The following L3MBTL4 variants were observed in gnomAD, a reference collection of about 807,000 sequenced individuals.
The protein encoded by L3MBTL4 is lethal(3)malignant brain tumor-like protein 4.
Under a neutral mutation model 84.5 loss-of-function variants are expected in L3MBTL4, and 70 were observed. That is an observed-to-expected ratio of 0.83 (90% CI 0.68 to 1.01). The LOEUF (loss-of-function observed/expected upper bound fraction) is 1.01. Among genes scored for constraint, L3MBTL4 ranks in the 50% least tolerant of loss-of-function variants. L3MBTL4 has a pLI of 0.00. For synonymous variants in L3MBTL4, 274 were observed against 259.8 expected, an observed-to-expected ratio of 1.05 and a Z score of -0.52; for missense variants, 715 against 754.8, an observed-to-expected ratio of 0.95 and a Z score of 0.62.
rs2053369232 is a variant in L3MBTL4, at chr18:6,354,970, GATTT to G, written c.-90-42918_-90-42915del. Among the ~76,000 whole-genome samples the G allele has an allele frequency of 3.3e-5, 5 of 152,272 alleles. No homozygotes were observed. The South Asian group carries it at 1.0e-3, about 32-fold the overall frequency. ...AGAAAGGAAATGAGCATATCAAAGA[GATTT>G]TTGCACTCCCATGTTTGTTGTAGCA... On this transcript the variant is annotated intron_variant, in intron 1 of 18. Transcript: ENST00000317931.
chr18:6,030,501 C>CTTT (rs112869054), intron 16 of L3MBTL4: 22 of 849,244 alleles, frequency 2.6e-5, no homozygotes, highest in East Asian at 1.3e-4. Flanking sequence ...TGAAGAGACT[C>CTTT]TTTTTTTTTT....
At chr18:6,002,139 T>C (rs146413348) in intron 16 of L3MBTL4, among the ~76,000 whole-genome samples, 110 of 152,034 alleles carry the variant, frequency 7.2e-4, no homozygotes, top group Admixed American at 9.2e-4. Context: ...AGTAGAATGA[T>C]ATACTTAAAG....
In L3MBTL4 at chr18:6,331,787, A is replaced by G. The variant is rs141365296; in HGVS notation, c.-90-19731T>C. Among the ~76,000 whole-genome samples, 131 of 152,260 alleles carry G rather than the reference A, an allele frequency of 8.6e-4. 1 individual carries two copies. Among genetic ancestry groups the G allele is most frequent in the African/African-American group, 3.1e-3 (128 of 41,544 alleles). On this transcript the variant is annotated intron_variant, in intron 1 of 18. Transcript: ENST00000317931. The stretch of plus-strand genomic sequence containing the variant: ...TATGAAAGCATCTGTAGGTATGTCA[A>G]ATAAGTTTACTTTTTAGAAGTGAAA...
At chr18:6,076,806 G>C (rs1455210866) in intron 16 of L3MBTL4, among the ~76,000 whole-genome samples, 2 of 152,014 alleles carry the variant, frequency 1.3e-5, no homozygotes, top group African/African-American at 4.8e-5. Flanking sequence ...TTAATTAAAG[G>C]TTTGGGACCA....
chr18:6,179,162 T>G (rs1189867429), intron 12 of L3MBTL4, among the ~76,000 whole-genome samples: 3 of 152,224 alleles, frequency 2.0e-5, no homozygotes, highest in Non-Finnish European at 2.9e-5. Context: ...ATAAACCTTT[T>G]TTAAATTTTT....
At chr18:6,408,110 G>GA (rs1381036078) in intron 1 of L3MBTL4, among the ~76,000 whole-genome samples, 1 of 151,974 alleles carries the variant, frequency 6.6e-6, no homozygotes, top group Non-Finnish European at 1.5e-5. Flanking sequence ...GGAAAACTGT[G>GA]AAAAAAAATT....
At chr18:6,295,723 TG>T (rs1397487140) in intron 4 of L3MBTL4, among the ~76,000 whole-genome samples, 2 of 152,140 alleles carry the variant, frequency 1.3e-5, no homozygotes. Context: ...AGAAGTCCCC[TG>T]TTAATCCTCC....
chr18:6,334,687 T>G (rs905350520), intron 1 of L3MBTL4, among the ~76,000 whole-genome samples: 1 of 152,140 alleles, frequency 6.6e-6, no homozygotes, highest in Non-Finnish European at 1.5e-5. Context: ...ACACAGTAAT[T>G]TTTACAGGAA....
At chr18:6,410,635 C>T (rs2055927131) in intron 1 of L3MBTL4, among the ~76,000 whole-genome samples, 1 of 152,190 alleles carries the variant, frequency 6.6e-6, no homozygotes, top group Non-Finnish European at 1.5e-5. Flanking sequence ...CTCTATCTGT[C>T]CCTCTAGTTA....
intron 5 of L3MBTL4, among the ~76,000 whole-genome samples, chr18:6,256,395 G>C (rs555682781): frequency 3.0e-4 from 46 of 152,094 alleles, no homozygotes; most frequent in Non-Finnish European, 6.0e-4. Flanking sequence ...AGGCTGTCTT[G>C]TTTCTAGGAC....
chr18:6,082,026 A>G (rs2058096150), intron 15 of L3MBTL4, among the ~76,000 whole-genome samples: 1 of 152,176 alleles, frequency 6.6e-6, no homozygotes, highest in African/African-American at 2.4e-5. Context: ...CAGAGACAGT[A>G]CATTCAGTGT....
chr18:6,364,812 TA>T (rs1261645429), intron 1 of L3MBTL4, among the ~76,000 whole-genome samples: 1 of 152,112 alleles, frequency 6.6e-6, no homozygotes, highest in Non-Finnish European at 1.5e-5. Context: ...CAGATGTCAG[TA>T]AAGTCTTTAA....
chr18:6,100,498 C>G (rs936043634), intron 14 of L3MBTL4, among the ~76,000 whole-genome samples: 3 of 152,150 alleles, frequency 2.0e-5, no homozygotes, highest in African/African-American at 7.2e-5. Context: ...TGTTCATGGC[C>G]TTTTCTCACT....
chr18:6,157,037 A>C (rs2043133288), intron 13 of L3MBTL4, among the ~76,000 whole-genome samples: 1 of 152,258 alleles, frequency 6.6e-6, no homozygotes, highest in Non-Finnish European at 1.5e-5. Flanking sequence ...CATTTAAAAC[A>C]GACAATATCA....
chr18:6,304,155 A>G (rs181520104), intron 3 of L3MBTL4, among the ~76,000 whole-genome samples: 235 of 152,234 alleles, frequency 1.5e-3, no homozygotes, highest in African/African-American at 5.3e-3. Flanking sequence ...AATACTATTA[A>G]TTTCATTTTC....
intron 3 of L3MBTL4, among the ~76,000 whole-genome samples, chr18:6,303,810 C>T (rs1241725601): frequency 6.6e-6 from 1 of 152,026 alleles, no homozygotes; most frequent in African/African-American, 2.4e-5. Flanking sequence ...GTCAGGAGTT[C>T]GAGACCAGCC....
At chr18:6,105,748 T>C (rs2058983891) in intron 14 of L3MBTL4, among the ~76,000 whole-genome samples, 1 of 145,664 alleles carries the variant, frequency 6.9e-6, no homozygotes, top group Non-Finnish European at 1.5e-5. Context: ...TGCAGTGAGC[T>C]AATATAGTGC....
rs1245006185 is a variant in L3MBTL4, at chr18:6,386,722, AC to A, written c.-91+28078del. ...GGCTGCTTATGAAGCTGCTCAAGGA[AC>A]AACAGAAGCCAAGGAGACAGAGCAG... On this transcript the variant is annotated intron_variant, in intron 1 of 18. Coordinates refer to ENST00000317931, the MANE Select transcript of L3MBTL4 (RefSeq NM_001330559.2). Among the ~76,000 whole-genome samples the A allele has an allele frequency of 5.3e-5, 8 of 152,198 alleles. 1 individual carries two copies. The highest frequency in any genetic ancestry group is 1.9e-4 in the African/African-American group (8 of 41,450).
At chr18:6,086,936 C>T (rs2058279031) in intron 15 of L3MBTL4, among the ~76,000 whole-genome samples, 3 of 152,128 alleles carry the variant, frequency 2.0e-5, no homozygotes, top group Admixed American at 1.3e-4. Flanking sequence ...GAATGAATAT[C>T]GATGTCATGA....
Sources: gnomAD v4.1 joint callset for allele counts (sites outside exome capture counted in the v4.1 genomes callset) on GRCh38, gnomAD v4.1.1 for gene constraint, MANE v1.5 for transcripts, NCBI Gene and HGNC (gene_info 2026-07-23, HGNC 2026-07-21) for gene names.